Variants in ZFHX3 observed in about 807,000 individuals in gnomAD.
The protein encoded by ZFHX3 is zinc finger homeobox 3, also known as zinc finger homeobox protein 3.
Under a neutral mutation model 279.1 loss-of-function variants are expected in ZFHX3, and 42 were observed. That is an observed-to-expected ratio of 0.15 (90% CI 0.12 to 0.19). The LOEUF is 0.19. Ranked by LOEUF, ZFHX3 falls within the 10% of genes least tolerant of loss-of-function variation. ZFHX3 has a pLI of 1.00. For synonymous variants in ZFHX3, 2,293 were observed against 1,957.8 expected (o/e 1.17, Z -4.52); for missense variants, 4,981 against 4,754.0 (o/e 1.05, Z -1.40).
At chr16:73,816,685 T>A (rs1960583226) in intron 1 of ZFHX3, among the ~76,000 whole-genome samples, 1 of 152,038 alleles carries the variant, frequency 6.6e-6, no homozygotes, top group African/African-American at 2.4e-5. Flanking sequence ...ACGGACTGAA[T>A]AGGCAAAGTA....
At chr16:73,092,915 C>A (rs1205211871) in intron 8 of ZFHX3, 1 of 519,878 alleles carries the variant, frequency 1.9e-6, no homozygotes, top group Non-Finnish European at 3.8e-6. Context: ...GTTTTCCCAG[C>A]CACCCATGCT....
intron 3 of ZFHX3, among the ~76,000 whole-genome samples, chr16:72,927,725 T>C (rs1002266134): frequency 5.9e-5 from 9 of 151,730 alleles, no homozygotes; most frequent in Non-Finnish European, 1.2e-4. Context: ...CCAGGCACAC[T>C]CCCAGCATTG....
intron 2 of ZFHX3, chr16:73,558,527 A>G (rs2143784270): frequency 6.6e-6 from 1 of 152,292 alleles, no homozygotes; most frequent in Non-Finnish European, 1.5e-5. Context: ...CTCATAGCCA[A>G]AGCAGATGGG....
At chr16:73,410,290 C>A (rs962232041) in intron 3 of ZFHX3, among the ~76,000 whole-genome samples, 2 of 152,070 alleles carry the variant, frequency 1.3e-5, no homozygotes, top group Non-Finnish European at 1.5e-5. Flanking sequence ...GTAGCAGCTG[C>A]CTGTAATGCC....
chr16:73,641,656 A>T (rs2052574080), intron 2 of ZFHX3, among the ~76,000 whole-genome samples: 1 of 152,128 alleles, frequency 6.6e-6, no homozygotes, highest in South Asian at 2.1e-4. Context: ...AAGCCCTTAG[A>T]TGTATAAAAT....
chr16:73,283,026 CAAAT>C (rs1412235904), intron 4 of ZFHX3, among the ~76,000 whole-genome samples: 1 of 152,138 alleles, frequency 6.6e-6, no homozygotes, highest in Non-Finnish European at 1.5e-5. Context: ...AGTCAAACAA[CAAAT>C]AAATAAATCT....
chr16:72,978,517 G>C (rs1160639000), intron 1 of ZFHX3, among the ~76,000 whole-genome samples: 1 of 152,112 alleles, frequency 6.6e-6, no homozygotes, highest in Admixed American at 6.5e-5. Flanking sequence ...CCCTGACCGA[G>C]GTCTCGCCTT....
intron 3 of ZFHX3, among the ~76,000 whole-genome samples, chr16:72,939,056 A>T (rs1960277158): frequency 6.6e-6 from 1 of 152,172 alleles, no homozygotes; most frequent in South Asian, 2.1e-4. Flanking sequence ...GGCTCACTAG[A>T]GGAGCCGAGG....
intron 6 of ZFHX3, among the ~76,000 whole-genome samples, chr16:73,136,077 C>A (rs895427469): frequency 6.6e-6 from 1 of 152,024 alleles, no homozygotes; most frequent in African/African-American, 2.4e-5. Context: ...AGGATGGTCT[C>A]GAAATCCTGA....
intron 2 of ZFHX3, among the ~76,000 whole-genome samples, chr16:73,594,352 G>A (rs1017372158): frequency 1.3e-5 from 2 of 152,062 alleles, no homozygotes; most frequent in Non-Finnish European, 2.9e-5. Flanking sequence ...TAAATGGGAA[G>A]GCTCAATAGA....
intron 4 of ZFHX3, among the ~76,000 whole-genome samples, chr16:72,837,769 A>T (rs909216625): frequency 8.8e-5 from 13 of 147,840 alleles, no homozygotes; most frequent in African/African-American, 1.2e-4. Flanking sequence ...CCAAATAATT[A>T]AAAAAAAAAA....
chr16:73,090,596 G>A (rs1050479534), intron 8 of ZFHX3, among the ~76,000 whole-genome samples: 2 of 151,418 alleles, frequency 1.3e-5, no homozygotes, highest in Non-Finnish European at 2.9e-5. Flanking sequence ...TGTTAAAGAA[G>A]CAGTAAAGGG....
chr16:72,910,574 G>A (rs1475861235), intron 3 of ZFHX3, among the ~76,000 whole-genome samples: 2 of 152,196 alleles, frequency 1.3e-5, no homozygotes, highest in African/African-American at 4.8e-5. Context: ...AGCACCTTGA[G>A]ACATTAGGCA....
At chr16:72,917,812 T>A (rs1351964936) in intron 3 of ZFHX3, among the ~76,000 whole-genome samples, 2 of 152,218 alleles carry the variant, frequency 1.3e-5, no homozygotes, top group Admixed American at 6.5e-5. Flanking sequence ...TTACATACAA[T>A]AAACATGAAG....
chr16:73,001,159 T>G (rs1021806683), intron 1 of ZFHX3, among the ~76,000 whole-genome samples: 2 of 152,206 alleles, frequency 1.3e-5, no homozygotes, highest in African/African-American at 4.8e-5. Flanking sequence ...TGCACCCTTC[T>G]CCTCCTCCTC....
intron 2 of ZFHX3, chr16:73,487,408 A>ATTTTT: frequency 2.3e-5 from 9 of 383,780 alleles, no homozygotes; most frequent in Non-Finnish European, 4.1e-5. Context: ...TATCTATGTG[A>ATTTTT]TTTTTTTTTT....
chr16:72,821,886 A>G (rs2036801428), intron 5 of ZFHX3: 1 of 152,208 alleles, frequency 6.6e-6, no homozygotes, highest in Non-Finnish European at 1.5e-5. Flanking sequence ...TGCTGGGGCT[A>G]TAAAACCATA....
intron 4 of ZFHX3, among the ~76,000 whole-genome samples, chr16:73,304,894 A>G (rs1173335627): frequency 6.6e-6 from 1 of 151,990 alleles, no homozygotes; most frequent in East Asian, 1.9e-4. Context: ...CACAATAAAT[A>G]ATGCTACCTG....
At chr16:73,701,282 T>C (rs951200268) in intron 1 of ZFHX3, among the ~76,000 whole-genome samples, 1 of 152,366 alleles carries the variant, frequency 6.6e-6, no homozygotes, top group East Asian at 1.9e-4. Context: ...TCCTTCAATT[T>C]CAGTAGCTTT....
Sources: allele counts gnomAD v4.1 joint callset (sites outside exome capture counted in the v4.1 genomes callset), GRCh38; gene constraint gnomAD v4.1.1; transcripts MANE v1.5; gene names NCBI Gene and HGNC (gene_info 2026-07-23, HGNC 2026-07-21).